PDE10A: variants seen among roughly 807,000 people sequenced by gnomAD.
The protein encoded by PDE10A is phosphodiesterase 10A.
Under a neutral mutation model 97.7 loss-of-function variants are expected in PDE10A, and 39 were observed. The observed-to-expected ratio is 0.40, with a 90% CI of 0.31 to 0.52. The LOEUF is 0.52. Ranked by LOEUF, PDE10A falls within the 20% of genes least tolerant of loss-of-function variation. The pLI, the probability that PDE10A is intolerant of heterozygous loss-of-function variation, is 0.56. For missense variants in PDE10A, 731 were observed against 1,047.8 expected (o/e 0.70, Z 4.17); for synonymous variants, 371 against 376.8 (o/e 0.98, Z 0.18).
intron 1 of PDE10A, among the ~76,000 whole-genome samples, chr6:165,702,042 G>A (rs574112358): frequency 6.6e-6 from 1 of 152,252 alleles, no homozygotes; most frequent in East Asian, 1.9e-4. Context: ...GTGGCCAGGA[G>A]GCAGGCAGGG....
At chr6:165,751,580 C>T (rs1010411198) in intron 1 of PDE10A, among the ~76,000 whole-genome samples, 15 of 152,086 alleles carry the variant, frequency 9.9e-5, no homozygotes, top group Non-Finnish European at 2.1e-4. Flanking sequence ...GGCAGGACTT[C>T]TTTTCTGGTC....
intron 1 of PDE10A, among the ~76,000 whole-genome samples, chr6:165,695,242 A>T (rs1219644790): frequency 6.6e-6 from 1 of 152,010 alleles, no homozygotes; most frequent in Non-Finnish European, 1.5e-5. Flanking sequence ...AGCAAAAACC[A>T]AAAACAAAAA....
chr6:165,517,732 C>T (rs936430675), intron 2 of PDE10A, among the ~76,000 whole-genome samples: 1 of 152,096 alleles, frequency 6.6e-6, no homozygotes, highest in Non-Finnish European at 1.5e-5. Context: ...GAATGGAGGG[C>T]AGGATTATAA....
chr6:165,507,589 T>G (rs752770164), intron 2 of PDE10A, among the ~76,000 whole-genome samples: 14 of 152,070 alleles, frequency 9.2e-5, no homozygotes, highest in Non-Finnish European at 1.6e-4. Flanking sequence ...CCCGCCAGAT[T>G]TGTCCAGATC....
In PDE10A at chr6:165,524,052, C is replaced by G. The variant is rs187838065; in HGVS notation, c.994+19388G>C. ...TAGCTTTCCAGCCTACATCTTTCTCCCATGCTGGATGCTTCCTGCCCTGCA... is the reference window on the plus strand; with the variant it reads ...TAGCTTTCCAGCCTACATCTTTCTCGCATGCTGGATGCTTCCTGCCCTGCA... On this transcript the variant is annotated intron_variant, in intron 2 of 21. Coordinates refer to ENST00000539869, the MANE Select transcript of PDE10A (RefSeq NM_001385079.1). Among the ~76,000 whole-genome samples the G allele has an allele frequency of 2.2e-3, 334 of 152,260 alleles. 1 individual carries two copies. Among genetic ancestry groups the G allele is most frequent in the African/African-American group, 7.8e-3 (325 of 41,544 alleles).
chr6:165,336,157 G>C lies in PDE10A; in HGVS notation c.3031C>G (p.Leu1011Val). 2 of 1,613,920 alleles carry C rather than the reference G, an allele frequency of 1.2e-6. No individual in the cohort carries two copies. Among genetic ancestry groups the C allele is most frequent in the Non-Finnish European group, 1.7e-6 (2 of 1,179,888 alleles). The change falls in exon 21 of 22, where the codon CTC becomes GTC. Residue 1011 changes from leucine to valine, a missense_variant. By Grantham distance (32) the Leu-to-Val change is conservative. Transcript: ENST00000539869. ...TTCAGAAGAGGCTCCGTGGGAGGGA[G>C]GATCTGGGTAAGGGTTGTATAGCAG... ...IPCYTTLTQI[L>V]PPTEPLLKAC...
intron 1 of PDE10A, among the ~76,000 whole-genome samples, chr6:165,884,086 GAGA>G (rs1781564718): frequency 6.6e-6 from 1 of 152,138 alleles, no homozygotes; most frequent in African/African-American, 2.4e-5. Context: ...AGGGTGTGCA[GAGA>G]AGGAGGGAGG....
At chr6:165,555,860 A>T (rs1477412545) in intron 1 of PDE10A, among the ~76,000 whole-genome samples, 2 of 152,206 alleles carry the variant, frequency 1.3e-5, no homozygotes, top group Non-Finnish European at 2.9e-5. Context: ...AACAAGCCAG[A>T]GGAATGTGAA....
chr6:165,806,042 TAAAAAA>T lies in PDE10A; in HGVS notation c.-615+181481_-615+181486del, dbSNP rs67104260. ...AAATGATTTGTAGTTGCTTGATTAT[TAAAAAA>T]AAAAAAAAAAAAAAAAAAAAAAGAT... On this transcript the variant is annotated intron_variant, in intron 1 of 19. Transcript: ENST00000366882. Among the ~76,000 whole-genome samples the T allele has an allele frequency of 4.0e-4, 29 of 73,140 alleles. 1 individual carries two copies. Among genetic ancestry groups the T allele is most frequent in the African/African-American group, 1.5e-3 (26 of 17,914 alleles). 48.0% of individuals were successfully genotyped at this position (73,140 alleles called of 152,430 possible).
intron 1 of PDE10A, among the ~76,000 whole-genome samples, chr6:165,959,078 G>A (rs534493724): frequency 2.6e-5 from 4 of 152,302 alleles, no homozygotes; most frequent in East Asian, 3.9e-4. Flanking sequence ...AATGGGGCTC[G>A]GTTTCCTTCT....
At chr6:165,751,671 A>G (rs2128456124) in intron 1 of PDE10A, among the ~76,000 whole-genome samples, 1 of 152,270 alleles carries the variant, frequency 6.6e-6, no homozygotes, top group South Asian at 2.1e-4. Context: ...ATGACGATAA[A>G]AGCGATCCCT....
intron 3 of PDE10A, among the ~76,000 whole-genome samples, chr6:165,476,347 G>A (rs1779298213): frequency 6.6e-6 from 1 of 152,068 alleles, no homozygotes; most frequent in Non-Finnish European, 1.5e-5. Context: ...AGTATAATAA[G>A]ACAGATTGAA....
chr6:165,861,147 T>C (rs535283700), intron 1 of PDE10A, among the ~76,000 whole-genome samples: 1 of 152,224 alleles, frequency 6.6e-6, no homozygotes, highest in East Asian at 1.9e-4. Flanking sequence ...ACAGCATTGA[T>C]GTGGCTGATG....
At chr6:165,749,542 A>G (rs1192786506) in intron 1 of PDE10A, among the ~76,000 whole-genome samples, 2 of 125,642 alleles carry the variant, frequency 1.6e-5, no homozygotes, top group Non-Finnish European at 3.4e-5. Flanking sequence ...TATTTCTACA[A>G]TAAAGTTAGT....
intron 3 of PDE10A, among the ~76,000 whole-genome samples, chr6:165,466,027 C>G (rs953864530): frequency 3.3e-5 from 5 of 152,060 alleles, no homozygotes; most frequent in African/African-American, 4.8e-5. Context: ...CAGGACTGTC[C>G]CTGGACAATG....
At chr6:165,840,546 C>T (rs1780231325) in intron 1 of PDE10A, among the ~76,000 whole-genome samples, 3 of 152,136 alleles carry the variant, frequency 2.0e-5, no homozygotes, top group African/African-American at 4.8e-5. Context: ...GGCGCTGGCT[C>T]ACCTCACAAA....
chr6:165,823,136 A>T (rs1271846158), intron 1 of PDE10A, among the ~76,000 whole-genome samples: 3 of 148,024 alleles, frequency 2.0e-5, no homozygotes. Flanking sequence ...CCGGCCTATA[A>T]TTTTTTTTTT....
At position 165,714,960 on chromosome 6, in the gene PDE10A, C is replaced by T. The variant is rs545172932; in HGVS notation, c.-614-171392G>A. Among the ~76,000 whole-genome samples, 8 of 152,374 alleles carry T rather than the reference C, an allele frequency of 5.3e-5. No homozygotes were observed. In the East Asian group the frequency reaches 9.6e-4, roughly 18 times the overall value. On this transcript the variant is annotated intron_variant, in intron 1 of 19. Transcript: ENST00000366882. ...CTCAGTGGGTTGTTCCCTTGCTCTCCGCAAAGCCCTGAGGAGCACAAAGAC... is the reference window on the plus strand; with the variant it reads ...CTCAGTGGGTTGTTCCCTTGCTCTCTGCAAAGCCCTGAGGAGCACAAAGAC...
rs1050450152 is a variant in PDE10A, at chr6:165,819,456, A to G, written c.-615+168073T>C. On this transcript the variant is annotated intron_variant, in intron 1 of 19. Transcript: ENST00000366882. The surrounding 1 kb of genome is among the most constrained non-coding windows in gnomAD (Gnocchi z 4.2). ...ATCCGTCCTCCAGACGGCCGCTGGC[A>G]CCACTCTCCGAGACACGCTTGCACC... 6.6e-6 allele frequency among the ~76,000 whole-genome samples: 1 copy of G among 152,102 alleles called. No homozygotes were observed. The highest frequency in any genetic ancestry group is 1.5e-5 in the Non-Finnish European group (1 of 67,992).
Sources: allele counts gnomAD v4.1 joint callset (sites outside exome capture counted in the v4.1 genomes callset), GRCh38; gene constraint gnomAD v4.1.1; non-coding constraint Gnocchi (gnomAD v3.1); transcripts MANE v1.5; gene names NCBI Gene and HGNC (gene_info 2026-07-23, HGNC 2026-07-21).